ORC3: variants seen among roughly 807,000 people sequenced by gnomAD.
ORC3 encodes the protein origin recognition complex subunit 3, also known as homolog of latheo, Drosophila.
A neutral mutation model predicts 100.7 loss-of-function variants in ORC3; 78 were observed. That is an observed-to-expected ratio of 0.77 (90% CI 0.65 to 0.94). The LOEUF is 0.94. Ranked by LOEUF, ORC3 falls within the 40% of genes least tolerant of loss-of-function variation. The pLI, the probability that ORC3 is intolerant of heterozygous loss-of-function variation, is 0.00. For missense variants in ORC3, 789 were observed against 823.9 expected (o/e 0.96, Z 0.52); for synonymous variants, 295 against 289.3 (o/e 1.02, Z -0.20).
chr6:87,643,530 C>A (rs7757941), intron 13 of ORC3, among the ~76,000 whole-genome samples: 1 of 152,148 alleles, frequency 6.6e-6, no homozygotes, highest in Non-Finnish European at 1.5e-5. Context: ...CAAATTGGCT[C>A]GAAAACTGGA....
chr6:87,628,541 T>TA (rs1230583335), intron 11 of ORC3, among the ~76,000 whole-genome samples: 1 of 152,220 alleles, frequency 6.6e-6, no homozygotes, highest in Non-Finnish European at 1.5e-5. Flanking sequence ...CACGTCTTTA[T>TA]ACCTATTTTC....
chr6:87,652,539 G>A (rs1241861272), intron 13 of ORC3, among the ~76,000 whole-genome samples: 1 of 152,206 alleles, frequency 6.6e-6, no homozygotes, highest in Non-Finnish European at 1.5e-5. Flanking sequence ...AAAGCCCATA[G>A]GAGATGTAAA....
rs1390596163 is a variant in ORC3, at chr6:87,619,888, G to A, written c.988-1466G>A. Among the ~76,000 whole-genome samples the A allele has an allele frequency of 4.6e-5, 7 of 152,224 alleles. No individual in the cohort carries two copies. In the East Asian group the frequency reaches 9.6e-4, roughly 21 times the overall value. Reference sequence around the variant, plus strand: ...AGTCGTGATTTCTACTTGAGACAGAGTCTCACTCTGTTGCCCAGGCTGGTC... The same window carrying A: ...AGTCGTGATTTCTACTTGAGACAGAATCTCACTCTGTTGCCCAGGCTGGTC... On this transcript the variant is annotated intron_variant, in intron 9 of 19. Coordinates refer to ENST00000392844, the MANE Select transcript of ORC3 (RefSeq NM_012381.4).
chr6:87,599,830 A>T (rs191358449), intron 2 of ORC3, among the ~76,000 whole-genome samples: 38 of 152,168 alleles, frequency 2.5e-4, no homozygotes, highest in African/African-American at 9.1e-4. Flanking sequence ...ATAATTAGCC[A>T]GATGTGGTCG....
At position 87,607,761 on chromosome 6, in the gene ORC3, C is replaced by G. The variant is rs773253857; in HGVS notation, c.516C>G (p.Val172=). The change falls in exon 6 of 20, where the codon GTC becomes GTG. Residue 172 remains valine (V), a synonymous_variant. Transcript: ENST00000392844. ...IKSKEEESVH[V]TQRKTHYSMD... is the part of the protein sequence containing the mutation. Reference sequence around the variant, plus strand: ...CCAAAGAGGAGGAAAGTGTTCACGTCACCCAAAGAAAGACACATTATTCAA... The same window carrying G: ...CCAAAGAGGAGGAAAGTGTTCACGTGACCCAAAGAAAGACACATTATTCAA... 1 of 1,612,452 alleles carries G rather than the reference C, an allele frequency of 6.2e-7. No homozygotes were observed. Among genetic ancestry groups the G allele is most frequent in the South Asian group, 1.1e-5 (1 of 91,026 alleles).
In ORC3 at chr6:87,603,538, C is replaced by A. The variant is rs200115952; in HGVS notation, c.322+10C>A. The A allele has an allele frequency of 2.1e-6, 3 of 1,455,052 alleles. No individual in the cohort carries two copies. The highest frequency in any genetic ancestry group is 2.8e-6 in the Non-Finnish European group (3 of 1,079,914). 90.1% of individuals were successfully genotyped at this position (1,455,052 alleles called of 1,614,324 possible). A position where few individuals can be genotyped will look rare whatever the true frequency, so the allele number is the denominator to read the frequency against. ...GCTGCTCTTGTTCTTGGTATATATG[C>A]GTATGTTTGTTCATGCATGCATCTC... On this transcript the variant is annotated intron_variant, in intron 4 of 19. Coordinates refer to ENST00000392844, the MANE Select transcript of ORC3 (RefSeq NM_012381.4).
intron 18 of ORC3, among the ~76,000 whole-genome samples, chr6:87,665,235 GA>G (rs199728995): frequency 0.016 from 2,395 of 151,896 alleles, 23 homozygotes; most frequent in Non-Finnish European, 0.023. Flanking sequence ...TTGCTTAAAA[GA>G]AAAAAAATTG....
intron 4 of ORC3, among the ~76,000 whole-genome samples, chr6:87,604,537 A>G (rs1778194409): frequency 6.6e-6 from 1 of 152,258 alleles, no homozygotes; most frequent in Admixed American, 6.5e-5. Flanking sequence ...GCTAATGGAA[A>G]GAATGTTTTA....
In ORC3 at chr6:87,636,598, T is replaced by C. The variant is rs1228747427; in HGVS notation, c.1382+112T>C. 11 of 676,044 alleles carry C rather than the reference T, an allele frequency of 1.6e-5. No individual in the cohort carries two copies. In the Middle Eastern group the frequency reaches 1.5e-3, roughly 91 times the overall value. 41.9% of individuals were successfully genotyped at this position (676,044 alleles called of 1,614,324 possible). Reference sequence around the variant, plus strand: ...AAAAGTTTCATAAATAGCCATGTTGTGTCTAAGAATATTTGCATATATCTT... The same window carrying C: ...AAAAGTTTCATAAATAGCCATGTTGCGTCTAAGAATATTTGCATATATCTT... On this transcript the variant is annotated intron_variant, in intron 13 of 19. Coordinates refer to ENST00000392844, the MANE Select transcript of ORC3 (RefSeq NM_012381.4).
chr6:87,657,823 A>G (rs1257642071), intron 15 of ORC3, 98 bp from the exon 16 acceptor site: 1 of 616,668 alleles, frequency 1.6e-6, no homozygotes, highest in East Asian at 2.6e-5. Flanking sequence ...TCTTATGGAA[A>G]GGGCATCAGG....
chr6:87,630,010 A>G (rs1767267304), intron 11 of ORC3, among the ~76,000 whole-genome samples: 1 of 152,192 alleles, frequency 6.6e-6, no homozygotes, highest in Non-Finnish European at 1.5e-5. Context: ...TTAAACATAC[A>G]TTTAAAAAAA....
At chr6:87,649,896 CAT>C (rs752489251) in intron 13 of ORC3, among the ~76,000 whole-genome samples, 6 of 151,900 alleles carry the variant, frequency 3.9e-5, no homozygotes, top group Non-Finnish European at 8.8e-5. Flanking sequence ...AGGTCATACA[CAT>C]ATATTATAAT....
rs1582103084 is a variant in ORC3 at position 87,666,893 on chromosome 6, T to C, written c.2031-125T>C. The C allele has an allele frequency of 2.6e-5, 15 of 580,548 alleles. No homozygotes were observed. The East Asian group carries it at 4.4e-4, about 17-fold the overall frequency. The allele number at this position is 580,548 out of a possible 1,614,324, so 36.0% of individuals were successfully genotyped here. ...TAATGTTTTCCAGTAACAGTTATAGTTTAATTTAGGAGTTTATATCTGAAC... is the reference window on the plus strand; with the variant it reads ...TAATGTTTTCCAGTAACAGTTATAGCTTAATTTAGGAGTTTATATCTGAAC... On this transcript the variant is annotated intron_variant, in intron 19 of 19. Transcript: ENST00000392844.
intron 1 of ORC3, among the ~76,000 whole-genome samples, chr6:87,590,754 G>A (rs1412237230): frequency 6.6e-6 from 1 of 152,138 alleles, no homozygotes; most frequent in Non-Finnish European, 1.5e-5. Context: ...GGCGAGGAGG[G>A]CAGAGAGAAC....
chr6:87,611,205 G>A (rs1778742101), intron 7 of ORC3, among the ~76,000 whole-genome samples: 1 of 151,940 alleles, frequency 6.6e-6, no homozygotes, highest in Admixed American at 6.6e-5. Flanking sequence ...CCAACGTGCT[G>A]GGATTACAGA....
chr6:87,675,468 G>A, the ORC3 span: 8 of 1,305,698 alleles, frequency 6.1e-6, no homozygotes, highest in Middle Eastern at 1.8e-4. Flanking sequence ...AAGAGTGGTT[G>A]CCACTGACGA....
chr6:87,657,043 C>A, intron 15 of ORC3, 61 bp downstream of exon 15: 2 of 1,120,734 alleles, frequency 1.8e-6, no homozygotes, highest in Non-Finnish European at 2.7e-6. Context: ...TCAGTTTGTG[C>A]TCTAGATTAA....
intron 9 of ORC3, among the ~76,000 whole-genome samples, chr6:87,616,705 G>A (rs1416615476): frequency 2.6e-5 from 4 of 152,066 alleles, no homozygotes; most frequent in Non-Finnish European, 4.4e-5. Context: ...GTTTGTTTCC[G>A]AGACTCTCAT....
chr6:87,639,505 C>T (rs1173875705), intron 13 of ORC3, among the ~76,000 whole-genome samples: 1 of 152,156 alleles, frequency 6.6e-6, no homozygotes, highest in Non-Finnish European at 1.5e-5. Flanking sequence ...TTAATTTAGT[C>T]CCACCCCTTC....
Sources: gnomAD v4.1 joint callset for allele counts (sites outside exome capture counted in the v4.1 genomes callset) on GRCh38, gnomAD v4.1.1 for gene constraint, MANE v1.5 for transcripts, NCBI Gene and HGNC (gene_info 2026-07-23, HGNC 2026-07-21) for gene names.